Variants in HJURP observed in about 807,000 individuals in gnomAD.
The protein encoded by HJURP is 14-3-3-associated AKT substrate.
In HJURP, 49 loss-of-function variants were observed where a neutral mutation model predicts 72.0. The observed-to-expected ratio is 0.68, with a 90% confidence interval of 0.54 to 0.86. The LOEUF is 0.86. Among genes scored for constraint, HJURP ranks in the 40% least tolerant of loss-of-function variants. The probability of loss-of-function intolerance (pLI) is 0.00; values close to 1 mark genes in which losing one functional copy is unlikely to be tolerated. For missense variants in HJURP, 908 were observed against 936.3 expected (o/e 0.97, Z 0.39); for synonymous variants, 357 against 347.1 (o/e 1.03, Z -0.32).
In HJURP at chr2:233,844,243, G is replaced by A. The variant is rs753253415; in HGVS notation, c.536C>T (p.Pro179Leu). ...GGCAGGTGAGGCCAGTGAAGGCAGC[G>A]GAGTCACACGTACATCCCTTCCAGC... ...NRAGRDVRVTPLPSLASPAVP... is the reference protein window; with the variant it reads ...NRAGRDVRVTLLPSLASPAVP... The change falls in exon 7 of 9, where the codon CCG becomes CTG. Residue 179 changes from proline to leucine, a missense_variant. Physicochemically the swap from Pro to Leu is moderately conservative, Grantham distance 98. Around this residue, in one of 3 missense-constraint regions of HJURP, gnomAD observed 299 missense variants for 286.7 expected, o/e 1.04. Coordinates refer to ENST00000411486, the MANE Select transcript of HJURP (RefSeq NM_018410.5). 1.1e-5 allele frequency: 18 copies of A among 1,614,010 alleles called. No homozygotes were observed. Among genetic ancestry groups the A allele is most frequent in the Admixed American group, 1.0e-4 (6 of 59,998 alleles).
intron 7 of HJURP, among the ~76,000 whole-genome samples, chr2:233,843,553 CT>C (rs910623314): frequency 3.3e-5 from 5 of 152,130 alleles, no homozygotes; most frequent in Non-Finnish European, 7.3e-5. Flanking sequence ...AATTACTGGC[CT>C]GTGCTATTCA....
rs753822305 is a variant in HJURP at position 233,840,767 on chromosome 2, A to G, written c.2013T>C (p.Asp671=). The G allele has an allele frequency of 1.2e-6, 2 of 1,613,790 alleles. No individual in the cohort carries two copies. The highest frequency in any genetic ancestry group is 2.2e-5 in the South Asian group (2 of 91,050). Residue 671 remains aspartate, a synonymous_variant, in exon 8 of 9, where the codon GAT becomes GAC. Transcript: ENST00000411486. ...CAGGGAACTGATGGTCCCTCGTGCC[A>G]TCCCTCGTGATGGCACGAGCAACAC... ...STCVARAITR[D]GTRDHQFPAK...
intron 7 of HJURP, 104 bp downstream of exon 7, chr2:233,844,101 G>A (rs1224410902): frequency 2.6e-6 from 2 of 771,634 alleles, no homozygotes; most frequent in Non-Finnish European, 4.4e-6. Flanking sequence ...AAACACACCA[G>A]GAAATGATGG....
rs537959148 is a variant in HJURP at position 233,842,148 on chromosome 2, G to A, written c.632C>T (p.Ser211Phe). The stretch of plus-strand genomic sequence containing the variant: ...ATGCAAAGGATCCCATTCTCTGGGA[G>A]ATGAAGCTGGTTTCGCTGGGTCACC... ...SPGDPAKPAS[S>F]PREWDPLHPS... Residue 211 changes from serine to phenylalanine, a missense_variant, in exon 8 of 9, where the codon TCT becomes TTT. By Grantham distance (155) the Ser-to-Phe change is radical. Coordinates refer to ENST00000411486, the MANE Select transcript of HJURP (RefSeq NM_018410.5). 16 of 1,614,008 alleles carry A rather than the reference G, an allele frequency of 9.9e-6. No individual in the cohort carries two copies. The South Asian group carries it at 1.6e-4, about 17-fold the overall frequency.
chr2:233,851,759 G>A (rs1193529405), intron 3 of HJURP, among the ~76,000 whole-genome samples: 1 of 152,198 alleles, frequency 6.6e-6, no homozygotes, highest in Non-Finnish European at 1.5e-5. Flanking sequence ...GCTCATTTAT[G>A]TAGTTGTATG....
intron 1 of HJURP, among the ~76,000 whole-genome samples, chr2:233,854,135 C>T (rs1004790577): frequency 4.6e-5 from 7 of 152,196 alleles, no homozygotes; most frequent in Admixed American, 3.3e-4. Context: ...CCTGCTTCCC[C>T]ACTCCCCGTT....
chr2:233,839,389 G>A (rs1705160262), intron 8 of HJURP, among the ~76,000 whole-genome samples: 1 of 152,226 alleles, frequency 6.6e-6, no homozygotes, highest in African/African-American at 2.4e-5. Context: ...TGGGGAGTAG[G>A]GGGAGAATGC....
At chr2:233,854,009 G>C (rs1705556188) in intron 1 of HJURP, 99 bp from the exon 2 acceptor site, 7 of 1,048,320 alleles carry the variant, frequency 6.7e-6, no homozygotes, top group South Asian at 1.4e-5. Context: ...CGTTAGTCTG[G>C]CCTGGGGCGC....
intron 5 of HJURP, among the ~76,000 whole-genome samples, chr2:233,847,107 G>A (rs996972556): frequency 3.9e-5 from 6 of 152,180 alleles, no homozygotes; most frequent in African/African-American, 1.2e-4. Context: ...GGCAGATGGC[G>A]CCCTGCCAAC....
chr2:233,845,843 A>C, intron 5 of HJURP, 23 bp from the exon 6 acceptor site: 1 of 1,525,948 alleles, frequency 6.6e-7, no homozygotes, highest in Non-Finnish European at 9.1e-7. Context: ...GAGAAGTCAG[A>C]ATTTTTAAGA....
rs755943010 is a variant in HJURP at position 233,841,064 on chromosome 2, G to A, written c.1716C>T (p.His572=). 15 of 1,614,084 alleles carry A rather than the reference G, an allele frequency of 9.3e-6. No homozygotes were observed. The highest frequency in any genetic ancestry group is 1.6e-4 in the Middle Eastern group (1 of 6,062). The change falls in exon 8 of 9, where the codon CAC becomes CAT. Residue 572 remains histidine, a synonymous_variant. Coordinates refer to ENST00000411486, the MANE Select transcript of HJURP (RefSeq NM_018410.5). ...LSVPDKEVPG[H]GRNRYDEIKE... ...TAATTTCATCGTAACGATTCCTTCCGTGGCCTGGCACTTCTTTATCTGGGA... is the reference window on the plus strand; with the variant it reads ...TAATTTCATCGTAACGATTCCTTCCATGGCCTGGCACTTCTTTATCTGGGA...
intron 1 of HJURP, 94 bp downstream of exon 1, chr2:233,854,290 T>A: frequency 1.2e-6 from 1 of 808,106 alleles, no homozygotes; most frequent in South Asian, 1.7e-5. Context: ...CCGCTCCGAG[T>A]CCTCAGAGCC....
intron 2 of HJURP, 89 bp from the exon 3 acceptor site, chr2:233,852,709 G>A (rs554699): frequency 0.64 from 568,792 of 888,098 alleles, 186,874 homozygotes; most frequent in East Asian, 0.76. Flanking sequence ...CAAAGTGACA[G>A]GCAAAAAAAA....
rs528649904 is a variant in HJURP, at chr2:233,846,986, G to A, written c.402+411C>T. 3.9e-5 allele frequency among the ~76,000 whole-genome samples: 6 copies of A among 152,230 alleles called. No homozygotes were observed. In the East Asian group the frequency reaches 1.2e-3, roughly 29 times the overall value. The stretch of plus-strand genomic sequence containing the variant: ...GCCCAATGAGGCGACCTTGTGACTT[G>A]GGGCATTTGAGGACAGACCTGGAAA... On this transcript the variant is annotated intron_variant, in intron 5 of 8. Transcript: ENST00000411486. This position sits in a 1 kb window ranked among gnomAD's most constrained non-coding sequence, Gnocchi z 4.3.
At chr2:233,849,155 G>C (rs1024405792) in intron 4 of HJURP, among the ~76,000 whole-genome samples, 4 of 152,198 alleles carry the variant, frequency 2.6e-5, no homozygotes, top group African/African-American at 9.7e-5. Flanking sequence ...GCACCAAACG[G>C]AGCAGGTTAT....
At chr2:233,850,360 A>G (rs962555866) in intron 3 of HJURP, among the ~76,000 whole-genome samples, 2 of 152,210 alleles carry the variant, frequency 1.3e-5, no homozygotes, top group Admixed American at 6.5e-5. Context: ...TGTCCTGACC[A>G]GGAGCTCATA....
At chr2:233,854,290 T>G in intron 1 of HJURP, 94 bp downstream of exon 1, 1 of 808,104 alleles carries the variant, frequency 1.2e-6, no homozygotes. Context: ...CCGCTCCGAG[T>G]CCTCAGAGCC....
rs1321062759 is a variant in HJURP at position 233,836,966 on chromosome 2, A to G, written c.*611T>C. ...TCGAATGAAATGGGAAACAGGAGAG[A>G]GGATTCTCTGGACATATCTAAATTT... On this transcript the variant is annotated 3_prime_UTR_variant, in exon 9 of 9. Coordinates refer to ENST00000411486, the MANE Select transcript of HJURP (RefSeq NM_018410.5). 1 of 152,310 alleles carries G rather than the reference A, an allele frequency of 6.6e-6. No individual in the cohort carries two copies. The highest frequency in any genetic ancestry group is 1.5e-5 in the Non-Finnish European group (1 of 68,146). 9.4% of individuals were successfully genotyped at this position (152,310 alleles called of 1,614,324 possible).
intron 7 of HJURP, 24 bp from the exon 8 acceptor site, chr2:233,842,229 G>A: frequency 6.4e-7 from 1 of 1,566,928 alleles, no homozygotes; most frequent in Non-Finnish European, 8.7e-7. Flanking sequence ...TACACATAAA[G>A]TAAAGGTGTG....
Sources: allele counts gnomAD v4.1 joint callset (sites outside exome capture counted in the v4.1 genomes callset), GRCh38; gene constraint gnomAD v4.1.1; regional missense constraint gnomAD v4.1.1; non-coding constraint Gnocchi (gnomAD v3.1); transcripts MANE v1.5; gene names NCBI Gene and HGNC (gene_info 2026-07-23, HGNC 2026-07-21).